The following DLG2 variants were observed in gnomAD, a reference collection of about 807,000 sequenced individuals.
DLG2 encodes the protein discs large MAGUK scaffold protein 2.
In DLG2, 45 loss-of-function variants were observed where a neutral mutation model predicts 132.5. The ratio of observed to expected loss-of-function variants is 0.34; its 90% CI spans 0.27 to 0.44. The LOEUF is 0.44. Ranked by LOEUF, DLG2 falls within the 20% of genes least tolerant of loss-of-function variation. The pLI is 1.00. For missense variants in DLG2, 1,045 were observed against 1,196.9 expected (o/e 0.87, Z 1.87); for synonymous variants, 424 against 419.6 (o/e 1.01, Z -0.13).
chr11:85,310,126 G>T (rs1004110380), intron 3 of DLG2, among the ~76,000 whole-genome samples: 2 of 152,084 alleles, frequency 1.3e-5, no homozygotes, highest in Non-Finnish European at 2.9e-5. Flanking sequence ...AAAATGAAAG[G>T]TACTGATTCC....
At chr11:84,402,762 G>C (rs2098834300) in intron 7 of DLG2, among the ~76,000 whole-genome samples, 1 of 151,668 alleles carries the variant, frequency 6.6e-6, no homozygotes. Context: ...GGCGCCTGTA[G>C]TCTCAGCTAC....
intron 7 of DLG2, among the ~76,000 whole-genome samples, chr11:84,514,694 G>C (rs1196416420): frequency 6.6e-6 from 1 of 151,776 alleles, no homozygotes; most frequent in Non-Finnish European, 1.5e-5. Flanking sequence ...AGGAGAGGTG[G>C]GGATGTTTAA....
chr11:85,477,960 T>C (rs1220667067), intron 3 of DLG2, among the ~76,000 whole-genome samples: 5 of 152,132 alleles, frequency 3.3e-5, no homozygotes, highest in African/African-American at 4.8e-5. Flanking sequence ...AACTAACAGT[T>C]TCTCTGGCTT....
At chr11:84,102,749 G>T (rs886377460) in intron 9 of DLG2, among the ~76,000 whole-genome samples, 3 of 152,136 alleles carry the variant, frequency 2.0e-5, no homozygotes, top group Admixed American at 6.6e-5. Context: ...GAGAAAAGGG[G>T]ATGTTTTAGG....
In DLG2 at chr11:83,661,480, C is replaced by T. The variant is rs150593154; in HGVS notation, c.1826-28155G>A. ...AAACAAATTAACGTGTGTGGAGCAC[C>T]TACTATGTGCCAGATAATATATATT... On this transcript the variant is annotated intron_variant, in intron 18 of 27. Coordinates refer to ENST00000376104, the MANE Select transcript of DLG2 (RefSeq NM_001142699.3). 5.5e-4 allele frequency among the ~76,000 whole-genome samples: 84 copies of T among 152,192 alleles called. 1 individual carries two copies. In the East Asian group the frequency reaches 0.014, roughly 25 times the overall value.
At chr11:84,994,225 T>A (rs546191014) in intron 6 of DLG2, among the ~76,000 whole-genome samples, 6 of 152,168 alleles carry the variant, frequency 3.9e-5, no homozygotes, top group Non-Finnish European at 8.8e-5. Context: ...TCAGTCTCTC[T>A]CTCCAGCTCT....
chr11:84,877,061 G>C (rs918437594), intron 6 of DLG2, among the ~76,000 whole-genome samples: 1 of 152,028 alleles, frequency 6.6e-6, no homozygotes, highest in Non-Finnish European at 1.5e-5. Context: ...TGTTTTTTAT[G>C]ATTTCCATTC....
chr11:84,840,767 C>T (rs1288597058), intron 6 of DLG2, among the ~76,000 whole-genome samples: 2 of 152,022 alleles, frequency 1.3e-5, no homozygotes, highest in Non-Finnish European at 2.9e-5. Flanking sequence ...TACATGTTCT[C>T]ACTCATAGCT....
chr11:83,930,392 A>C lies in DLG2; in HGVS notation c.1432T>G (p.Phe478Val). 6.2e-7 allele frequency: 1 copy of C among 1,614,096 alleles called. No homozygotes were observed. The highest frequency in any genetic ancestry group is 8.5e-7 in the Non-Finnish European group (1 of 1,179,954). Reference sequence around the variant, plus strand: ...TGGGAATAGGGAGCTGAGAGGAGGAAGCTTTTGTCACACTCAACAGGGGAA... The same window carrying C: ...TGGGAATAGGGAGCTGAGAGGAGGACGCTTTTGTCACACTCAACAGGGGAA... ...HYSPVECDKS[F>V]LLSAPYSHYH... is the part of the protein sequence containing the mutation. Residue 478 changes from phenylalanine (F) to valine (V), a missense_variant, in exon 15 of 28, where the codon TTC (phenylalanine) becomes GTC (valine). Transcript: ENST00000376104.
At chr11:84,722,647 C>A (rs929442429) in intron 6 of DLG2, among the ~76,000 whole-genome samples, 1 of 152,052 alleles carries the variant, frequency 6.6e-6, no homozygotes, top group Admixed American at 6.5e-5. Flanking sequence ...TTAATCAGCC[C>A]CCTTGTGAGA....
chr11:83,757,992 A>G (rs1236519250), intron 18 of DLG2, among the ~76,000 whole-genome samples: 1 of 152,234 alleles, frequency 6.6e-6, no homozygotes, highest in Non-Finnish European at 1.5e-5. Context: ...TCCACCAACT[A>G]TAAGTCAAGG....
chr11:84,406,482 T>C (rs1037174812), intron 7 of DLG2, among the ~76,000 whole-genome samples: 1 of 152,106 alleles, frequency 6.6e-6, no homozygotes, highest in Non-Finnish European at 1.5e-5. Context: ...CCATACGATG[T>C]TAATTTTTGT....
intron 6 of DLG2, among the ~76,000 whole-genome samples, chr11:85,040,214 G>A (rs1040081076): frequency 4.6e-5 from 7 of 151,830 alleles, no homozygotes; most frequent in African/African-American, 1.7e-4. Context: ...GAATTCTCCT[G>A]GAAAAGTCAA....
intron 7 of DLG2, among the ~76,000 whole-genome samples, chr11:84,380,055 C>G (rs1032583489): frequency 2.6e-5 from 4 of 151,864 alleles, no homozygotes; most frequent in African/African-American, 9.7e-5. Context: ...AAAAACAAAA[C>G]TAGAATTTTG....
At chr11:84,367,897 G>A (rs764011183) in intron 7 of DLG2, among the ~76,000 whole-genome samples, 9 of 152,188 alleles carry the variant, frequency 5.9e-5, no homozygotes, top group African/African-American at 2.2e-4. Context: ...TATCTATTCC[G>A]TAAATGATAC....
At chr11:85,079,290 G>C (rs768743883) in intron 6 of DLG2, among the ~76,000 whole-genome samples, 3 of 152,062 alleles carry the variant, frequency 2.0e-5, no homozygotes, top group African/African-American at 7.2e-5. Flanking sequence ...GCTTCAGAGA[G>C]AGTAGATTGT....
At chr11:84,184,695 T>C (rs1281307280) in intron 8 of DLG2, among the ~76,000 whole-genome samples, 1 of 152,318 alleles carries the variant, frequency 6.6e-6, no homozygotes, top group South Asian at 2.1e-4. Context: ...AGGGTTTTTA[T>C]GGTTTTAGGT....
intron 8 of DLG2, among the ~76,000 whole-genome samples, chr11:84,185,271 T>C (rs919569510): frequency 7.9e-5 from 12 of 152,200 alleles, no homozygotes; most frequent in Admixed American, 5.2e-4. Flanking sequence ...TAGTTCTCCT[T>C]GAAGAGGTCC....
chr11:84,633,570 G>T (rs2154544093), intron 6 of DLG2, among the ~76,000 whole-genome samples: 1 of 150,988 alleles, frequency 6.6e-6, no homozygotes, highest in East Asian at 2.0e-4. Context: ...CCACAACATT[G>T]TTTATTTTTA....
Sources: gnomAD v4.1 joint callset for allele counts (sites outside exome capture counted in the v4.1 genomes callset) on GRCh38, gnomAD v4.1.1 for gene constraint, MANE v1.5 for transcripts, NCBI Gene and HGNC (gene_info 2026-07-23, HGNC 2026-07-21) for gene names.